Variants in TBL1XR1 observed in about 807,000 individuals in gnomAD.
TBL1XR1 encodes the protein F-box-like/WD repeat-containing protein TBL1XR1.
In TBL1XR1, 5 loss-of-function variants were observed where a neutral mutation model predicts 66.9. That is an observed-to-expected ratio of 0.07 (90% CI 0.04 to 0.16). The LOEUF (loss-of-function observed/expected upper bound fraction) is 0.16. Among genes scored for constraint, TBL1XR1 ranks in the 10% least tolerant of loss-of-function variants. The pLI is 1.00. For synonymous variants in TBL1XR1, 210 were observed against 206.0 expected, an observed-to-expected ratio of 1.02 and a Z score of -0.17; for missense variants, 238 against 623.2, an observed-to-expected ratio of 0.38 and a Z score of 6.58.
At chr3:177,124,252 C>T (rs73187551) in intron 1 of TBL1XR1, among the ~76,000 whole-genome samples, 1,745 of 152,120 alleles carry the variant, frequency 0.011, 12 homozygotes, top group Non-Finnish European at 0.018. Flanking sequence ...AAGGATGGAT[C>T]CCAAGCAGAA....
intron 2 of TBL1XR1, 116 bp downstream of exon 2, chr3:177,098,348 CTT>C (rs1204992778): frequency 1.1e-5 from 4 of 354,516 alleles, no homozygotes; most frequent in Admixed American, 6.5e-5. Flanking sequence ...AAAAAAAACA[CTT>C]ACTTAGCTTG....
chr3:177,057,180 G>GT (rs1577044616), intron 3 of TBL1XR1, among the ~76,000 whole-genome samples: 1 of 152,110 alleles, frequency 6.6e-6, no homozygotes, highest in East Asian at 1.9e-4. Context: ...TGAATATGCT[G>GT]TGTTATACAT....
intron 1 of TBL1XR1, among the ~76,000 whole-genome samples, chr3:177,115,051 G>A (rs922620507): frequency 1.3e-4 from 19 of 151,846 alleles, no homozygotes; most frequent in African/African-American, 3.9e-4. Flanking sequence ...GGAGTGAGGC[G>A]GTCTACATCC....
chr3:177,105,555 T>C (rs187617096), intron 1 of TBL1XR1, among the ~76,000 whole-genome samples: 3 of 152,350 alleles, frequency 2.0e-5, no homozygotes. Flanking sequence ...GTATTAAGAA[T>C]CTGAATAGCT....
chr3:177,037,494 C>T (rs1198878481), intron 12 of TBL1XR1: 1 of 145,342 alleles, frequency 6.9e-6, no homozygotes, highest in African/African-American at 2.6e-5. Context: ...GACTGCCACC[C>T]TCCCCAATGG....
At chr3:177,080,834 G>C (rs905896602) in intron 2 of TBL1XR1, among the ~76,000 whole-genome samples, 12 of 152,092 alleles carry the variant, frequency 7.9e-5, no homozygotes, top group Non-Finnish European at 1.6e-4. Flanking sequence ...TTAACAACTA[G>C]CTTTAAGTTC....
chr3:177,106,352 C>T (rs1376654163), intron 1 of TBL1XR1, among the ~76,000 whole-genome samples: 6 of 152,184 alleles, frequency 3.9e-5, no homozygotes, highest in Non-Finnish European at 7.3e-5. Flanking sequence ...CTAGTGGGCA[C>T]TTAGGCAAAT....
intron 2 of TBL1XR1, among the ~76,000 whole-genome samples, chr3:177,067,022 G>A (rs1258367776): frequency 2.6e-5 from 4 of 152,146 alleles, no homozygotes; most frequent in African/African-American, 9.7e-5. Context: ...CCAGGGCACT[G>A]GTCTAGATGT....
At chr3:177,029,666 G>A (rs4465952) in intron 14 of TBL1XR1, among the ~76,000 whole-genome samples, 11,522 of 152,034 alleles carry the variant, frequency 0.076, 530 homozygotes, top group Admixed American at 0.15. Context: ...AAACTTCTAC[G>A]TGATAAACAC....
At chr3:177,192,672 A>G (rs574669722) in intron 1 of TBL1XR1, among the ~76,000 whole-genome samples, 9 of 152,340 alleles carry the variant, frequency 5.9e-5, no homozygotes, top group African/African-American at 2.2e-4. Context: ...TGCCCCTACT[A>G]AAATAAATAA....
chr3:177,079,102 G>GT (rs1248537212), intron 2 of TBL1XR1, among the ~76,000 whole-genome samples: 1 of 151,696 alleles, frequency 6.6e-6, no homozygotes, highest in Non-Finnish European at 1.5e-5. Context: ...ACATCACACT[G>GT]TTGGCTGATT....
At chr3:177,081,661 C>T (rs1234534949) in intron 2 of TBL1XR1, among the ~76,000 whole-genome samples, 1 of 151,006 alleles carries the variant, frequency 6.6e-6, no homozygotes, top group Non-Finnish European at 1.5e-5. Context: ...CCACTTGAAA[C>T]CAGGAGGTCT....
chr3:177,034,451 T>G lies in TBL1XR1; in HGVS notation c.1123-126A>C, dbSNP rs913084024. 8 of 566,402 alleles carry G rather than the reference T, an allele frequency of 1.4e-5. No individual in the cohort carries two copies. The Admixed American group carries it at 1.7e-4, about 12-fold the overall frequency. 35.1% of individuals were successfully genotyped at this position (566,402 alleles called of 1,614,324 possible). A position where few individuals can be genotyped will look rare whatever the true frequency, so the allele number is the denominator to read the frequency against. The stretch of plus-strand genomic sequence containing the variant: ...ATGAGTGATATAACCAGAATGATGA[T>G]AGAATATTTACAAAGAAACTGAAAT... On this transcript the variant is annotated intron_variant, in intron 12 of 15. Transcript: ENST00000457928.
chr3:177,039,349 A>C (rs1217857312), intron 10 of TBL1XR1, among the ~76,000 whole-genome samples: 1 of 152,200 alleles, frequency 6.6e-6, no homozygotes, highest in Non-Finnish European at 1.5e-5. Context: ...GTCAATTACA[A>C]GAGTTAGACA....
intron 10 of TBL1XR1, among the ~76,000 whole-genome samples, chr3:177,041,501 G>A (rs1436277722): frequency 6.6e-6 from 1 of 152,104 alleles, no homozygotes. Flanking sequence ...TCCACAATAA[G>A]TCACTTCACT....
At chr3:177,095,171 A>T (rs1723310868) in intron 2 of TBL1XR1, among the ~76,000 whole-genome samples, 1 of 152,034 alleles carries the variant, frequency 6.6e-6, no homozygotes, top group Non-Finnish European at 1.5e-5. Context: ...GCAAACTCAG[A>T]AACAGAAATA....
At chr3:177,038,534 G>A (rs1290222598) in intron 10 of TBL1XR1, 100 bp from the exon 11 acceptor site, 3 of 1,158,788 alleles carry the variant, frequency 2.6e-6, no homozygotes, top group Non-Finnish European at 2.3e-6. Flanking sequence ...TATACTAACA[G>A]GCACTTAAAC....
At chr3:177,145,557 G>C (rs1730146330) in intron 1 of TBL1XR1, among the ~76,000 whole-genome samples, 2 of 152,134 alleles carry the variant, frequency 1.3e-5, no homozygotes, top group Admixed American at 6.6e-5. Flanking sequence ...CACAAGTACT[G>C]TGATTTCCCT....
At chr3:177,039,440 T>C (rs754274241) in intron 10 of TBL1XR1, among the ~76,000 whole-genome samples, 3 of 152,208 alleles carry the variant, frequency 2.0e-5, no homozygotes, top group Non-Finnish European at 4.4e-5. Flanking sequence ...TTGCAAATAA[T>C]TTTCTTCTAA....
Sources: allele counts gnomAD v4.1 joint callset (sites outside exome capture counted in the v4.1 genomes callset), GRCh38; gene constraint gnomAD v4.1.1; transcripts MANE v1.5; gene names NCBI Gene and HGNC (gene_info 2026-07-23, HGNC 2026-07-21).